The following RBFOX1 variants were observed in gnomAD, a reference collection of about 807,000 sequenced individuals.
RBFOX1 encodes RNA binding protein fox-1 homolog 1.
In RBFOX1, 8 loss-of-function variants were observed where a neutral mutation model predicts 57.7. That is an observed-to-expected ratio of 0.14 (90% CI 0.08 to 0.25). The LOEUF (loss-of-function observed/expected upper bound fraction) is 0.25. Ranked by LOEUF, RBFOX1 falls within the 10% of genes least tolerant of loss-of-function variation. The probability of loss-of-function intolerance (pLI) is 1.00; values close to 1 mark genes in which losing one functional copy is unlikely to be tolerated. For missense variants in RBFOX1, 611 were observed against 548.5 expected (o/e 1.11, Z -1.14); for synonymous variants, 326 against 222.4 (o/e 1.47, Z -4.15).
At chr16:5,707,421 A>G (rs1301911556) in intron 3 of RBFOX1, among the ~76,000 whole-genome samples, 1 of 152,214 alleles carries the variant, frequency 6.6e-6, no homozygotes, top group African/African-American at 2.4e-5. Flanking sequence ...AATGGGGGAC[A>G]TGAGTGCCTT....
intron 2 of RBFOX1, among the ~76,000 whole-genome samples, chr16:6,464,104 C>A (rs1177700911): frequency 1.3e-5 from 2 of 152,148 alleles, no homozygotes; most frequent in Non-Finnish European, 2.9e-5. Context: ...GCAACTTTTT[C>A]ATCGAAATGT....
At chr16:5,321,895 G>A (rs2064419453) in intron 1 of RBFOX1, among the ~76,000 whole-genome samples, 2 of 152,262 alleles carry the variant, frequency 1.3e-5, no homozygotes, top group South Asian at 2.1e-4. Context: ...CCCACACCTT[G>A]CTGCACGGCC....
chr16:7,085,871 C>T (rs2059912039), intron 4 of RBFOX1, among the ~76,000 whole-genome samples: 1 of 152,158 alleles, frequency 6.6e-6, no homozygotes, highest in Non-Finnish European at 1.5e-5. Flanking sequence ...CCCAGGAAAC[C>T]GTTCTGCCCC....
intron 2 of RBFOX1, among the ~76,000 whole-genome samples, chr16:6,407,355 A>ATATATC (rs553278011): frequency 1.0e-3 from 154 of 152,218 alleles, no homozygotes; most frequent in Non-Finnish European, 1.5e-3. Context: ...ATGTCTATGT[A>ATATATC]TATATCTATA....
Position 7,150,068 on chromosome 16 carries a change from C to G in RBFOX1, c.27+97970C>G, listed in dbSNP as rs531052989. ...GGGAAGCTATCTGTGAACCTCCTGC[C>G]CCAGCCAGGTTGCCTGTTCTTCCCT... On this transcript the variant is annotated intron_variant, in intron 4 of 15. Coordinates refer to ENST00000550418, the MANE Select transcript of RBFOX1 (RefSeq NM_018723.4). Among the ~76,000 whole-genome samples, 18 of 152,300 alleles carry G rather than the reference C, an allele frequency of 1.2e-4. No individual in the cohort carries two copies. The South Asian group carries it at 3.5e-3, about 30-fold the overall frequency.
intron 14 of RBFOX1, among the ~76,000 whole-genome samples, chr16:7,681,721 T>C (rs561246360): frequency 4.7e-5 from 7 of 150,088 alleles, no homozygotes; most frequent in Non-Finnish European, 8.9e-5. Context: ...ATGTTTTCAT[T>C]TTTTTTTTCC....
Position 7,303,896 on chromosome 16 carries a change from T to TC in RBFOX1, c.28-214250dup, listed in dbSNP as rs1463395720. Among the ~76,000 whole-genome samples, 48 of 148,378 alleles carry TC rather than the reference T, an allele frequency of 3.2e-4. 1 individual carries two copies. The highest frequency in any genetic ancestry group is 3.2e-3 in the Admixed American group (48 of 14,996). The stretch of plus-strand genomic sequence containing the variant: ...CTTGCCCCCCTCCCATTCAGCCTCT[T>TC]CGGGAGGGCAGCGCATCCCCTGCCC... On this transcript the variant is annotated intron_variant, in intron 4 of 15. Transcript: ENST00000550418.
intron 4 of RBFOX1, among the ~76,000 whole-genome samples, chr16:6,008,398 G>A (rs931777912): frequency 5.3e-5 from 8 of 152,112 alleles, no homozygotes; most frequent in African/African-American, 1.9e-4. Context: ...CATGGGCACG[G>A]CATGAAGAAG....
intron 3 of RBFOX1, among the ~76,000 whole-genome samples, chr16:6,996,944 A>G (rs2092305083): frequency 1.3e-5 from 2 of 152,150 alleles, no homozygotes; most frequent in Non-Finnish European, 1.5e-5. Flanking sequence ...GAGAATTTTT[A>G]ATAAATTATC....
chr16:6,010,357 G>C (rs1411588549), intron 4 of RBFOX1, among the ~76,000 whole-genome samples: 2 of 152,194 alleles, frequency 1.3e-5, no homozygotes, highest in East Asian at 1.9e-4. Context: ...GGGTGGGGTT[G>C]GGTGAAAACT....
chr16:6,867,834 A>G (rs956940630), intron 3 of RBFOX1, among the ~76,000 whole-genome samples: 7 of 152,210 alleles, frequency 4.6e-5, no homozygotes, highest in African/African-American at 1.7e-4. Context: ...GTAATTATTG[A>G]CATCCCCCTT....
intron 4 of RBFOX1, among the ~76,000 whole-genome samples, chr16:7,217,990 GTGTGCACGTGCA>G (rs2092372737): frequency 6.6e-6 from 1 of 151,504 alleles, no homozygotes; most frequent in African/African-American, 2.4e-5. Flanking sequence ...GCATGTGCAT[GTGTGCACGTGCA>G]TGTGTGTTTG....
intron 1 of RBFOX1, among the ~76,000 whole-genome samples, chr16:5,389,052 G>A (rs62019565): frequency 0.5 from 75,439 of 150,566 alleles, 19,322 homozygotes; most frequent in Non-Finnish European, 0.55. Context: ...TTAGCCTGGC[G>A]TGGTGGCAGG....
chr16:7,595,936 G>T (rs1340308908), intron 8 of RBFOX1, among the ~76,000 whole-genome samples: 1 of 150,824 alleles, frequency 6.6e-6, no homozygotes, highest in Non-Finnish European at 1.5e-5. Flanking sequence ...ATAATCAATG[G>T]GTGCAGTAGG....
rs150481887 is a variant in RBFOX1 at position 5,881,373 on chromosome 16, C to T, written c.351+14038C>T. ...TGGCTTCTTCTTTTCCAATACAGCA[C>T]ATGTGGCATTTAAGAGTATTAGGGG... On this transcript the variant is annotated intron_variant, in intron 4 of 19. Coordinates refer to the RBFOX1 transcript ENST00000641259. Among the ~76,000 whole-genome samples the T allele has an allele frequency of 4.3e-3, 655 of 152,280 alleles. 5 individuals are homozygous for T. Among genetic ancestry groups the T allele is most frequent in the Middle Eastern group, 0.02 (6 of 294 alleles).
Position 5,660,594 on chromosome 16 carries a change from T to C in RBFOX1, c.318+61633T>C, listed in dbSNP as rs551976430. 2.6e-4 allele frequency among the ~76,000 whole-genome samples: 39 copies of C among 152,330 alleles called. No individual in the cohort carries two copies. The South Asian group carries it at 7.9e-3, about 31-fold the overall frequency. ...TCTTGGGAAGATAGGGAATTTATGG[T>C]TGCCGTTTGCTCTGTTTAGATAATT... is the stretch of plus-strand genomic sequence containing the variant. On this transcript the variant is annotated intron_variant, in intron 3 of 19. Coordinates refer to the RBFOX1 transcript ENST00000641259.
intron 1 of RBFOX1, among the ~76,000 whole-genome samples, chr16:6,302,047 T>C (rs2078883674): frequency 6.6e-6 from 1 of 152,170 alleles, no homozygotes; most frequent in African/African-American, 2.4e-5. Context: ...CTGTCCGTCA[T>C]GACAAGACCG....
At chr16:7,225,908 A>AAATC in intron 4 of RBFOX1, among the ~76,000 whole-genome samples, 1 of 124,898 alleles carries the variant, frequency 8.0e-6, no homozygotes, top group African/African-American at 4.1e-5. Flanking sequence ...TATAATAAAT[A>AAATC]TATATATATA....
At chr16:7,217,998 G>C (rs1413798474) in intron 4 of RBFOX1, among the ~76,000 whole-genome samples, 1 of 151,398 alleles carries the variant, frequency 6.6e-6, no homozygotes, top group African/African-American at 2.4e-5. Context: ...ATGTGTGCAC[G>C]TGCATGTGTG....
Sources: allele counts gnomAD v4.1 joint callset (sites outside exome capture counted in the v4.1 genomes callset), GRCh38; gene constraint gnomAD v4.1.1; transcripts MANE v1.5; gene names NCBI Gene and HGNC (gene_info 2026-07-23, HGNC 2026-07-21).